Variants in RNF111 observed in about 807,000 individuals in gnomAD.
The protein encoded by RNF111 is E3 ubiquitin-protein ligase Arkadia.
RNF111 carries 17 observed loss-of-function variants against 95.1 expected under a neutral mutation model. The observed-to-expected ratio is 0.18, with a 90% confidence interval of 0.12 to 0.27. The LOEUF is 0.27. RNF111 is among the 10% of genes least tolerant of loss of function. The probability of loss-of-function intolerance (pLI) is 1.00; values close to 1 mark genes in which losing one functional copy is unlikely to be tolerated. For synonymous variants in RNF111, 440 were observed against 414.8 expected (o/e 1.06, Z -0.74); for missense variants, 1,189 against 1,210.4 (o/e 0.98, Z 0.26).
intron 1 of RNF111, among the ~76,000 whole-genome samples, chr15:58,998,330 A>G (rs2039174978): frequency 6.6e-6 from 1 of 151,718 alleles, no homozygotes; most frequent in Non-Finnish European, 1.5e-5. Flanking sequence ...TTTGTTGTAC[A>G]GATTATTTCA....
At chr15:59,071,920 A>G (rs2140102273) in intron 6 of RNF111, among the ~76,000 whole-genome samples, 1 of 152,312 alleles carries the variant, frequency 6.6e-6, no homozygotes, top group African/African-American at 2.4e-5. Context: ...GTTTCCCAGT[A>G]CATATAAAAT....
chr15:59,049,011 G>C (rs1227365766), intron 2 of RNF111, among the ~76,000 whole-genome samples: 2 of 152,044 alleles, frequency 1.3e-5, no homozygotes, highest in African/African-American at 4.8e-5. Context: ...TGAGTTAGGA[G>C]GATCACTGGA....
chr15:58,997,808 C>T (rs1223572901), intron 1 of RNF111, among the ~76,000 whole-genome samples: 1 of 150,534 alleles, frequency 6.6e-6, no homozygotes, highest in Non-Finnish European at 1.5e-5. Flanking sequence ...GTGTGAGACT[C>T]CATCTCAAAA....
At chr15:59,079,537 C>G (rs772530722) in intron 7 of RNF111, among the ~76,000 whole-genome samples, 8 of 152,068 alleles carry the variant, frequency 5.3e-5, no homozygotes, top group Non-Finnish European at 1.0e-4. Flanking sequence ...CTGAATGAAT[C>G]AAAAGCATTA....
At chr15:59,089,406 T>C (rs1334109342) in intron 10 of RNF111, among the ~76,000 whole-genome samples, 3 of 152,230 alleles carry the variant, frequency 2.0e-5, no homozygotes, top group African/African-American at 4.8e-5. Context: ...GGACAGGATC[T>C]TAAGACAATT....
At chr15:59,032,443 G>A (rs1198284570) in intron 2 of RNF111, among the ~76,000 whole-genome samples, 1 of 151,876 alleles carries the variant, frequency 6.6e-6, no homozygotes, top group Non-Finnish European at 1.5e-5. Context: ...TTTTTTTGAG[G>A]CAGCATCTGG....
intron 10 of RNF111, among the ~76,000 whole-genome samples, chr15:59,089,083 A>AT (rs1233713610): frequency 1.3e-5 from 2 of 152,098 alleles, no homozygotes; most frequent in African/African-American, 4.8e-5. Flanking sequence ...GGCAACTGCA[A>AT]TTTTTTGCCA....
At chr15:59,083,733 G>A (rs1177739733) in intron 8 of RNF111, among the ~76,000 whole-genome samples, 1 of 152,014 alleles carries the variant, frequency 6.6e-6, no homozygotes, top group Non-Finnish European at 1.5e-5. Flanking sequence ...CTGCTTTAAT[G>A]TTTATATACA....
At chr15:58,999,075 AC>A (rs1441812640) in intron 1 of RNF111, among the ~76,000 whole-genome samples, 7 of 152,284 alleles carry the variant, frequency 4.6e-5, no homozygotes, top group Middle Eastern at 3.4e-3. Context: ...GAGGAATAAC[AC>A]CCACACTTAC....
intron 1 of RNF111, among the ~76,000 whole-genome samples, chr15:59,021,549 A>G (rs1482981670): frequency 2.0e-5 from 3 of 152,208 alleles, no homozygotes; most frequent in African/African-American, 7.2e-5. Context: ...TTAGGAAAGT[A>G]ATTAATAATA....
intron 11 of RNF111, 76 bp downstream of exon 11, chr15:59,089,835 C>A: frequency 1.0e-6 from 1 of 997,586 alleles, no homozygotes; most frequent in Non-Finnish European, 1.6e-6. Context: ...CTACTATACA[C>A]AATTGTGTAG....
At chr15:59,079,504 T>C (rs1311376779) in intron 7 of RNF111, among the ~76,000 whole-genome samples, 7 of 152,244 alleles carry the variant, frequency 4.6e-5, no homozygotes, top group Non-Finnish European at 7.3e-5. Flanking sequence ...AGTTGAGTTA[T>C]TGTTACCTAA....
intron 1 of RNF111, among the ~76,000 whole-genome samples, chr15:59,012,199 A>G (rs549747961): frequency 4.9e-4 from 74 of 151,184 alleles, no homozygotes; most frequent in African/African-American, 1.7e-3. Context: ...TTGTATTTTT[A>G]GTAGAGACAC....
intron 1 of RNF111, among the ~76,000 whole-genome samples, chr15:59,017,053 C>T (rs570694934): frequency 6.3e-4 from 96 of 151,884 alleles, no homozygotes; most frequent in African/African-American, 2.0e-3. Context: ...TTCTATATTA[C>T]GGTGAATTGT....
chr15:59,058,077 A>G (rs571281839), intron 4 of RNF111, among the ~76,000 whole-genome samples: 4 of 152,274 alleles, frequency 2.6e-5, no homozygotes, highest in East Asian at 1.9e-4. Flanking sequence ...AGATCAGACA[A>G]CTTATTTAGA....
intron 6 of RNF111, among the ~76,000 whole-genome samples, chr15:59,074,061 AT>A (rs1273956592): frequency 2.0e-5 from 3 of 152,118 alleles, no homozygotes; most frequent in African/African-American, 7.2e-5. Context: ...TGAAAGGAAT[AT>A]TTTTTTCTTA....
At chr15:59,065,949 A>G (rs1173400247) in intron 5 of RNF111, among the ~76,000 whole-genome samples, 3 of 151,874 alleles carry the variant, frequency 2.0e-5, no homozygotes, top group Admixed American at 6.6e-5. Context: ...TATACAATGT[A>G]TATATTTGTG....
At chr15:59,034,330 T>C (rs2041064866) in intron 2 of RNF111, among the ~76,000 whole-genome samples, 1 of 152,190 alleles carries the variant, frequency 6.6e-6, no homozygotes, top group Admixed American at 6.5e-5. Flanking sequence ...TTTCAGAGGG[T>C]ATATGCATTG....
intron 10 of RNF111, among the ~76,000 whole-genome samples, chr15:59,087,986 G>A (rs1360087480): frequency 2.0e-5 from 3 of 152,210 alleles, no homozygotes; most frequent in African/African-American, 7.2e-5. Flanking sequence ...AAAACATGGA[G>A]ACAGTGAATA....
Sources: gnomAD v4.1 joint callset for allele counts (sites outside exome capture counted in the v4.1 genomes callset) on GRCh38, gnomAD v4.1.1 for gene constraint, MANE v1.5 for transcripts, NCBI Gene and HGNC (gene_info 2026-07-23, HGNC 2026-07-21) for gene names.